The following DNAH14 variants were observed in gnomAD, a reference collection of about 807,000 sequenced individuals.
The protein encoded by DNAH14 is dynein axonemal heavy chain 14.
Under a neutral mutation model 520.9 loss-of-function variants are expected in DNAH14, and 478 were observed. The ratio of observed to expected loss-of-function variants is 0.92; its 90% confidence interval spans 0.85 to 0.99. DNAH14 has a LOEUF of 0.99. DNAH14 is among the 50% of genes least tolerant of loss of function. The pLI is 0.00. For synonymous variants in DNAH14, 1,581 were observed against 1,757.2 expected, an observed-to-expected ratio of 0.90 and a Z score of 2.51; for missense variants, 4,831 against 5,234.5, an observed-to-expected ratio of 0.92 and a Z score of 2.38.
In DNAH14 at chr1:225,331,518, A is replaced by G. The variant is rs757696148; in HGVS notation, c.9805A>G (p.Met3269Val). The G allele has an allele frequency of 6.4e-7, 1 of 1,551,484 alleles. No individual in the cohort carries two copies. ...ACAACTATTAGCAAATCGGAAAACA[A>G]TGGCCAGCAGGCGCTTTCAGTGTGC... The part of the protein sequence containing the change: ...EKQLLANRKT[M>V]ASRRFQCASV... The change falls in exon 65 of 86, where the codon ATG becomes GTG. Residue 3269 changes from methionine (M) to valine (V), a missense_variant. Met to Val is a conservative substitution (Grantham distance 21). Transcript: ENST00000682510.
At chr1:224,991,942 A>G (rs2063085068) in intron 8 of DNAH14, among the ~76,000 whole-genome samples, 1 of 152,200 alleles carries the variant, frequency 6.6e-6, no homozygotes, top group Admixed American at 6.5e-5. Flanking sequence ...TTGCAGTTTA[A>G]TTCTTCTGCA....
At chr1:225,315,077 T>A (rs1574710981) in intron 60 of DNAH14, among the ~76,000 whole-genome samples, 1 of 152,152 alleles carries the variant, frequency 6.6e-6, no homozygotes, top group African/African-American at 2.4e-5. Context: ...AGTACACCAA[T>A]CAAATGTTGG....
intron 54 of DNAH14, among the ~76,000 whole-genome samples, chr1:225,285,664 C>T (rs1003885068): frequency 3.3e-5 from 5 of 152,132 alleles, no homozygotes; most frequent in African/African-American, 1.2e-4. Flanking sequence ...CAAGACCAGC[C>T]TGGGCCACAT....
chr1:225,304,525 T>G (rs2150088191), intron 57 of DNAH14, among the ~76,000 whole-genome samples: 1 of 152,230 alleles, frequency 6.6e-6, no homozygotes, highest in South Asian at 2.1e-4. Context: ...CCACTGCACT[T>G]TGGCCTGGAC....
At chr1:225,357,260 G>A (rs2095440051) in intron 73 of DNAH14, among the ~76,000 whole-genome samples, 1 of 151,886 alleles carries the variant, frequency 6.6e-6, no homozygotes. Flanking sequence ...AGGAGCTAGT[G>A]AAATTGAATT....
At chr1:225,084,802 C>G (rs1470449754) in intron 20 of DNAH14, among the ~76,000 whole-genome samples, 1 of 13,516 alleles carries the variant, frequency 7.4e-5, no homozygotes, top group African/African-American at 8.6e-5. Context: ...AGGCTAGATT[C>G]ACTTCACTGA....
intron 60 of DNAH14, among the ~76,000 whole-genome samples, chr1:225,316,105 G>A (rs1002781915): frequency 2.0e-5 from 3 of 152,206 alleles, no homozygotes; most frequent in Non-Finnish European, 4.4e-5. Flanking sequence ...CAGCACTGAG[G>A]TCGGCTCTGC....
intron 37 of DNAH14, among the ~76,000 whole-genome samples, chr1:225,187,411 G>T (rs948068935): frequency 2.0e-5 from 3 of 151,664 alleles, no homozygotes; most frequent in Non-Finnish European, 3.0e-5. Context: ...ATATATCTGG[G>T]TTTTTTCTAC....
In DNAH14 at chr1:225,159,908, T is replaced by C. The variant is rs115906615; in HGVS notation, c.5445+423T>C. On this transcript the variant is annotated intron_variant, in intron 35 of 85. Coordinates refer to ENST00000682510, the MANE Select transcript of DNAH14 (RefSeq NM_001367479.1). ...AAAGTCCTTTATTGTTTCTCTTATA[T>C]CTATAGCCTCACAGTCATTGCCTTA... Among the ~76,000 whole-genome samples the C allele has an allele frequency of 5.0e-3, 757 of 152,276 alleles. 6 individuals carry two copies. The highest frequency in any genetic ancestry group is 0.017 in the African/African-American group (714 of 41,554).
chr1:225,246,504 T>C (rs2092290304), intron 43 of DNAH14, among the ~76,000 whole-genome samples: 1 of 152,056 alleles, frequency 6.6e-6, no homozygotes, highest in African/African-American at 2.4e-5. Flanking sequence ...ACATCCAGAA[T>C]CTACAAGGAA....
At chr1:225,185,167 A>G in intron 36 of DNAH14, 124 bp from the exon 37 acceptor site, 5 of 1,097,794 alleles carry the variant, frequency 4.6e-6, no homozygotes, top group Non-Finnish European at 6.2e-6. Flanking sequence ...CTGAGAGCCA[A>G]ATAAAGAACA....
chr1:225,261,330 T>C (rs1435675139), intron 46 of DNAH14, among the ~76,000 whole-genome samples: 1 of 152,188 alleles, frequency 6.6e-6, no homozygotes, highest in Non-Finnish European at 1.5e-5. Context: ...CCTAAGTTGT[T>C]GAGAATTTTT....
rs549616863 is a variant in DNAH14 at position 225,270,802 on chromosome 1, TCAAA to T, written c.7610_7613del (p.Lys2537ThrfsTer43). 1.8e-4 allele frequency: 275 copies of T among 1,551,342 alleles called. No homozygotes were observed. In the African/African-American group the frequency reaches 3.2e-3, roughly 18 times the overall value. ...GTGAATGATATCAGCCCACGTCTTC[TCAAA>T]CACTTTTCCATGCTGGTATTACCTC... is the stretch of plus-strand genomic sequence containing the variant. On this transcript the variant is annotated frameshift_variant, in exon 50 of 86. Coordinates refer to ENST00000682510, the MANE Select transcript of DNAH14 (RefSeq NM_001367479.1). LOFTEE classifies it high-confidence loss of function.
At position 225,351,958 on chromosome 1, in the gene DNAH14, G is replaced by A. The variant is rs748165200; in HGVS notation, c.11533+75G>A. On this transcript the variant is annotated intron_variant, in intron 72 of 85. Transcript: ENST00000682510. ...TATGGATTTTCAATTTGTAAATGTC[G>A]TACATTATCTTACATTATGAAAAAA... 561 of 1,200,302 alleles carry A rather than the reference G, an allele frequency of 4.7e-4. 6 individuals carry two copies. The Middle Eastern group carries it at 6.3e-3, about 13-fold the overall frequency. The allele number at this position is 1,200,302 out of a possible 1,614,324, so 74.4% of individuals were successfully genotyped here.
At chr1:225,391,512 AG>A (rs1272385006) in intron 83 of DNAH14, among the ~76,000 whole-genome samples, 1 of 152,142 alleles carries the variant, frequency 6.6e-6, no homozygotes, top group Non-Finnish European at 1.5e-5. Flanking sequence ...TTTATTCTCC[AG>A]GCAAGAGCTG....
chr1:225,027,632 G>T (rs1228640730), intron 11 of DNAH14, among the ~76,000 whole-genome samples: 2 of 151,986 alleles, frequency 1.3e-5, no homozygotes, highest in African/African-American at 2.4e-5. Context: ...AGAGATGTAG[G>T]GGGAGGTGCT....
intron 1 of DNAH14, among the ~76,000 whole-genome samples, chr1:224,946,972 C>G (rs1400806735): frequency 7.0e-6 from 1 of 142,304 alleles, no homozygotes; most frequent in Non-Finnish European, 1.5e-5. Context: ...GGCTGGAGTG[C>G]AGTGGCCTGA....
At chr1:225,266,585 TA>T in intron 48 of DNAH14, 55 bp from the exon 49 acceptor site, 1 of 1,287,714 alleles carries the variant, frequency 7.8e-7, no homozygotes, top group Non-Finnish European at 1.0e-6. Context: ...TCCTAATTCA[TA>T]ATTTAAAGAA....
intron 48 of DNAH14, among the ~76,000 whole-genome samples, chr1:225,265,830 A>G (rs1311803687): frequency 1.3e-5 from 2 of 152,086 alleles, no homozygotes; most frequent in Admixed American, 6.6e-5. Context: ...AAGGTGAATA[A>G]CTGAGGAACC....
Sources: gnomAD v4.1 joint callset for allele counts (sites outside exome capture counted in the v4.1 genomes callset) on GRCh38, gnomAD v4.1.1 for gene constraint, MANE v1.5 for transcripts, NCBI Gene and HGNC (gene_info 2026-07-23, HGNC 2026-07-21) for gene names.